SGCD: variants seen among roughly 807,000 people sequenced by gnomAD.
The protein encoded by SGCD is delta-sarcoglycan.
In SGCD, 18 loss-of-function variants were observed where a neutral mutation model predicts 36.6. The observed-to-expected ratio is 0.49, with a 90% CI of 0.34 to 0.73. The LOEUF (loss-of-function observed/expected upper bound fraction) is 0.73. Among genes scored for constraint, SGCD ranks in the 30% least tolerant of loss-of-function variants. The probability of loss-of-function intolerance (pLI) is 0.01; values close to 1 mark genes in which losing one functional copy is unlikely to be tolerated. For missense variants in SGCD, 387 were observed against 346.7 expected (o/e 1.12, Z -0.92); for synonymous variants, 133 against 130.6 (o/e 1.02, Z -0.12).
the SGCD span, among the ~76,000 whole-genome samples, chr5:155,831,518 A>T: frequency 6.6e-6 from 1 of 152,152 alleles, no homozygotes; most frequent in African/African-American, 2.4e-5. Flanking sequence ...TTCCCTTTTC[A>T]CTGAAATTAC....
chr5:155,995,555 C>A (rs565238643), intron 1 of SGCD, among the ~76,000 whole-genome samples: 1 of 152,190 alleles, frequency 6.6e-6, no homozygotes, highest in South Asian at 2.1e-4. Context: ...TTGAATACAA[C>A]AAACATTTAT....
At chr5:155,848,758 A>G in the SGCD span, among the ~76,000 whole-genome samples, 4 of 152,170 alleles carry the variant, frequency 2.6e-5, no homozygotes, top group Non-Finnish European at 4.4e-5. Flanking sequence ...CATCTCCACT[A>G]TAGCTCTTAG....
chr5:156,587,384 G>A (rs1264561784), intron 4 of SGCD, among the ~76,000 whole-genome samples: 1 of 152,166 alleles, frequency 6.6e-6, no homozygotes, highest in Non-Finnish European at 1.5e-5. Flanking sequence ...TACACTGTAG[G>A]ATTATTAAGG....
chr5:156,024,107 G>GT (rs1689610538), intron 1 of SGCD, among the ~76,000 whole-genome samples: 1 of 152,098 alleles, frequency 6.6e-6, no homozygotes. Flanking sequence ...GGATGGCAGC[G>GT]TAAGTATCGG....
At chr5:156,099,985 A>G (rs1345521212) in intron 1 of SGCD, among the ~76,000 whole-genome samples, 3 of 152,140 alleles carry the variant, frequency 2.0e-5, no homozygotes, top group African/African-American at 4.8e-5. Context: ...TTACAAATGC[A>G]TATATTCATA....
intron 1 of SGCD, among the ~76,000 whole-genome samples, chr5:156,091,316 G>C (rs1761235528): frequency 6.6e-6 from 1 of 152,192 alleles, no homozygotes; most frequent in African/African-American, 2.4e-5. Flanking sequence ...CGGTCCCTCT[G>C]TTCAGGGACC....
intron 1 of SGCD, among the ~76,000 whole-genome samples, chr5:156,047,010 G>T (rs2127579893): frequency 1.3e-5 from 2 of 152,252 alleles, no homozygotes; most frequent in East Asian, 3.9e-4. Flanking sequence ...AAGTGAAACA[G>T]CATCATTGCT....
intron 7 of SGCD, among the ~76,000 whole-genome samples, chr5:156,686,952 G>C (rs551902510): frequency 6.6e-6 from 1 of 152,268 alleles, no homozygotes; most frequent in African/African-American, 2.4e-5. Context: ...TCTGGGGGCA[G>C]TCCCATTTTT....
At chr5:155,801,411 A>T in the SGCD span, among the ~76,000 whole-genome samples, 1 of 152,184 alleles carries the variant, frequency 6.6e-6, no homozygotes, top group Non-Finnish European at 1.5e-5. Flanking sequence ...AAAAGGGTTA[A>T]TGTTGAACTT....
intron 1 of SGCD, among the ~76,000 whole-genome samples, chr5:156,076,631 G>C (rs1760792167): frequency 6.6e-6 from 1 of 152,184 alleles, no homozygotes; most frequent in Non-Finnish European, 1.5e-5. Flanking sequence ...ATTAAATTCA[G>C]TTACTATATC....
intron 1 of SGCD, among the ~76,000 whole-genome samples, chr5:155,994,701 T>G (rs1356673044): frequency 6.6e-6 from 1 of 152,228 alleles, no homozygotes; most frequent in East Asian, 1.9e-4. Context: ...ACTGTGAATA[T>G]AGAAACAATT....
chr5:156,131,020 C>A (rs146903816), intron 3 of SGCD, among the ~76,000 whole-genome samples: 1 of 152,204 alleles, frequency 6.6e-6, no homozygotes, highest in East Asian at 1.9e-4. Context: ...TGAGCCACCA[C>A]GCCCGGCCAG....
At chr5:155,878,353 CTTA>C (rs1222903053) in intron 1 of SGCD, among the ~76,000 whole-genome samples, 3 of 152,052 alleles carry the variant, frequency 2.0e-5, no homozygotes, top group African/African-American at 7.2e-5. Context: ...GGCTTGTCCT[CTTA>C]CGTGAGCTAC....
intron 6 of SGCD, among the ~76,000 whole-genome samples, chr5:156,597,771 T>C (rs1050427975): frequency 1.3e-5 from 2 of 152,220 alleles, no homozygotes; most frequent in African/African-American, 4.8e-5. Flanking sequence ...AAAAGGTCTA[T>C]TGATTACTTG....
chr5:156,386,747 G>T (rs1771296043), intron 3 of SGCD, among the ~76,000 whole-genome samples: 1 of 152,238 alleles, frequency 6.6e-6, no homozygotes, highest in Admixed American at 6.5e-5. Context: ...CCAAGTGTTG[G>T]AGGGATGGGG....
At chr5:155,782,514 T>C in the SGCD span, among the ~76,000 whole-genome samples, 2 of 152,202 alleles carry the variant, frequency 1.3e-5, no homozygotes, top group Non-Finnish European at 2.9e-5. Flanking sequence ...TTAGTAGTAA[T>C]TTCAGTAACT....
At chr5:155,863,471 T>G in the SGCD span, among the ~76,000 whole-genome samples, 1 of 152,048 alleles carries the variant, frequency 6.6e-6, no homozygotes, top group Middle Eastern at 3.4e-3. Flanking sequence ...TACCTTCAGG[T>G]TTAACTGGAA....
intron 3 of SGCD, among the ~76,000 whole-genome samples, chr5:156,423,271 AACATT>A (rs1398809356): frequency 1.1e-4 from 1 of 9,058 alleles, no homozygotes; most frequent in African/African-American, 2.9e-4. Flanking sequence ...ATTATAATAT[AACATT>A]ATATTATATT....
intron 6 of SGCD, among the ~76,000 whole-genome samples, chr5:156,640,228 C>G (rs1762979220): frequency 6.6e-6 from 1 of 151,784 alleles, no homozygotes; most frequent in South Asian, 2.1e-4. Context: ...CATAGATATA[C>G]TAGATATCCG....
Sources: gnomAD v4.1 joint callset for allele counts (sites outside exome capture counted in the v4.1 genomes callset) on GRCh38, gnomAD v4.1.1 for gene constraint, MANE v1.5 for transcripts, NCBI Gene and HGNC (gene_info 2026-07-23, HGNC 2026-07-21) for gene names.